The following CFAP299 variants were observed in gnomAD, a reference collection of about 807,000 sequenced individuals.
CFAP299 encodes cilia- and flagella-associated protein 299.
Under a neutral mutation model 27.0 loss-of-function variants are expected in CFAP299, and 21 were observed. The ratio of observed to expected loss-of-function variants is 0.78; its 90% CI spans 0.55 to 1.12. CFAP299 has a LOEUF of 1.12. Ranked by LOEUF, CFAP299 falls within the 50% of genes most tolerant of loss-of-function variation. The pLI is 0.00. For missense variants in CFAP299, 310 were observed against 276.6 expected, an observed-to-expected ratio of 1.12 and a Z score of -0.86; for synonymous variants, 104 against 98.1, an observed-to-expected ratio of 1.06 and a Z score of -0.36.
chr4:80,361,164 A>C (rs1380851950), intron 1 of CFAP299, among the ~76,000 whole-genome samples: 1 of 152,214 alleles, frequency 6.6e-6, no homozygotes, highest in African/African-American at 2.4e-5. Context: ...TATTTTCTCA[A>C]TAGATCATGC....
chr4:80,700,118 C>T (rs1021152293), intron 3 of CFAP299, among the ~76,000 whole-genome samples: 1 of 152,052 alleles, frequency 6.6e-6, no homozygotes, highest in Non-Finnish European at 1.5e-5. Context: ...AAGGTGACTG[C>T]CATCTTTCTG....
intron 2 of CFAP299, among the ~76,000 whole-genome samples, chr4:80,543,868 C>T (rs1415076461): frequency 2.6e-5 from 4 of 152,054 alleles, no homozygotes; most frequent in Non-Finnish European, 5.9e-5. Context: ...TGCAAAACAA[C>T]CATCCCCAAG....
chr4:80,451,580 T>C (rs1728905970), intron 2 of CFAP299, among the ~76,000 whole-genome samples: 1 of 152,232 alleles, frequency 6.6e-6, no homozygotes, highest in South Asian at 2.1e-4. Flanking sequence ...CACAGTATGG[T>C]ATTATCTACT....
chr4:80,658,074 T>C (rs535315722), intron 3 of CFAP299, among the ~76,000 whole-genome samples: 11 of 152,346 alleles, frequency 7.2e-5, no homozygotes, highest in Admixed American at 7.2e-4. Context: ...TTTTTGCACA[T>C]TGATTTTGTA....
At chr4:80,432,656 C>T (rs547650071) in intron 2 of CFAP299, among the ~76,000 whole-genome samples, 2 of 151,512 alleles carry the variant, frequency 1.3e-5, no homozygotes, top group African/African-American at 4.8e-5. Flanking sequence ...CCTCAGCCTC[C>T]AGAGTAGCTG....
intron 3 of CFAP299, among the ~76,000 whole-genome samples, chr4:80,755,950 C>T (rs1191298465): frequency 6.6e-6 from 1 of 152,010 alleles, no homozygotes; most frequent in Non-Finnish European, 1.5e-5. Flanking sequence ...TTTCCATAGT[C>T]AAGAAAACAT....
At chr4:80,599,934 A>T (rs1737245534) in intron 3 of CFAP299, among the ~76,000 whole-genome samples, 1 of 152,130 alleles carries the variant, frequency 6.6e-6, no homozygotes, top group East Asian at 1.9e-4. Flanking sequence ...TGAAATTGGG[A>T]TACAAAAACA....
rs191467862 is a variant in CFAP299, at chr4:80,493,452, C to T, written c.243-89641C>T. ...AAAGATGATGGGATGAGTGCTTTGGCGGAGTCAGGGCAGAGCAGATAGCAG... is the reference window on the plus strand; with the variant it reads ...AAAGATGATGGGATGAGTGCTTTGGTGGAGTCAGGGCAGAGCAGATAGCAG... On this transcript the variant is annotated intron_variant, in intron 2 of 5. Transcript: ENST00000358105. Among the ~76,000 whole-genome samples the T allele has an allele frequency of 7.9e-4, 120 of 152,022 alleles. 1 individual carries two copies. The highest frequency in any genetic ancestry group is 2.6e-3 in the African/African-American group (107 of 41,432).
intron 3 of CFAP299, among the ~76,000 whole-genome samples, chr4:80,686,400 G>T (rs1206664052): frequency 6.6e-6 from 1 of 152,148 alleles, no homozygotes; most frequent in Admixed American, 6.5e-5. Flanking sequence ...AGATTTCTGT[G>T]CTTTCTTTTG....
At chr4:80,631,051 T>C (rs1025738835) in intron 3 of CFAP299, among the ~76,000 whole-genome samples, 2 of 152,046 alleles carry the variant, frequency 1.3e-5, no homozygotes, top group African/African-American at 4.8e-5. Context: ...GTTTCCTTTA[T>C]TAGAGTAGTG....
intron 2 of CFAP299, among the ~76,000 whole-genome samples, chr4:80,568,481 A>G (rs1390862789): frequency 6.6e-6 from 1 of 152,128 alleles, no homozygotes; most frequent in African/African-American, 2.4e-5. Flanking sequence ...AATGACAACA[A>G]TATCAAAAAT....
chr4:80,518,474 C>T (rs942776969), intron 2 of CFAP299, among the ~76,000 whole-genome samples: 2 of 152,026 alleles, frequency 1.3e-5, no homozygotes, highest in African/African-American at 4.8e-5. Context: ...TACAGGAGAA[C>T]CAAGCTTGAA....
chr4:80,354,108 T>G (rs746941239), intron 1 of CFAP299, among the ~76,000 whole-genome samples: 1 of 152,166 alleles, frequency 6.6e-6, no homozygotes, highest in Non-Finnish European at 1.5e-5. Context: ...AAAGGGTTCA[T>G]TTAATAATTC....
chr4:80,449,155 A>G (rs975753422), intron 2 of CFAP299, among the ~76,000 whole-genome samples: 6 of 152,166 alleles, frequency 3.9e-5, no homozygotes, highest in African/African-American at 1.4e-4. Context: ...ATTTTTAGGC[A>G]AAGTTTCAAT....
At chr4:80,867,732 C>A (rs1451128091) in intron 3 of CFAP299, among the ~76,000 whole-genome samples, 1 of 152,158 alleles carries the variant, frequency 6.6e-6, no homozygotes, top group Non-Finnish European at 1.5e-5. Context: ...TTAGAGCCCA[C>A]CCTAAAAAGC....
intron 3 of CFAP299, among the ~76,000 whole-genome samples, chr4:80,603,498 G>T (rs1737477801): frequency 6.6e-6 from 1 of 152,128 alleles, no homozygotes; most frequent in Non-Finnish European, 1.5e-5. Context: ...AGTCAGAGAT[G>T]ATCCCATGAT....
chr4:80,488,447 C>T (rs1730938406), intron 2 of CFAP299, among the ~76,000 whole-genome samples: 1 of 150,584 alleles, frequency 6.6e-6, no homozygotes, highest in African/African-American at 2.4e-5. Flanking sequence ...AAGAAGAAAA[C>T]AACAAACAAA....
chr4:80,685,915 G>A (rs1320688174), intron 3 of CFAP299, among the ~76,000 whole-genome samples: 1 of 152,092 alleles, frequency 6.6e-6, no homozygotes, highest in Non-Finnish European at 1.5e-5. Flanking sequence ...CATTAAATAT[G>A]CCTGCCATGG....
At chr4:80,478,942 T>C (rs1730419935) in intron 2 of CFAP299, among the ~76,000 whole-genome samples, 1 of 152,018 alleles carries the variant, frequency 6.6e-6, no homozygotes, top group Admixed American at 6.6e-5. Flanking sequence ...ACATGGGGTA[T>C]ACTACATTGA....
Sources: allele counts gnomAD v4.1 joint callset (sites outside exome capture counted in the v4.1 genomes callset), GRCh38; gene constraint gnomAD v4.1.1; transcripts MANE v1.5; gene names NCBI Gene and HGNC (gene_info 2026-07-23, HGNC 2026-07-21).